Variants in PPP2R2B observed in about 807,000 individuals in gnomAD.
PPP2R2B encodes the protein serine/threonine-protein phosphatase 2A 55 kDa regulatory subunit B beta isoform.
A neutral mutation model predicts 46.0 loss-of-function variants in PPP2R2B; 5 were observed. The observed-to-expected ratio is 0.11, with a 90% CI of 0.06 to 0.23. The LOEUF is 0.23. PPP2R2B is among the 10% of genes least tolerant of loss of function. The pLI, the probability that PPP2R2B is intolerant of heterozygous loss-of-function variation, is 1.00. For missense variants in PPP2R2B, 367 were observed against 575.0 expected (o/e 0.64, Z 3.70); for synonymous variants, 215 against 206.7 (o/e 1.04, Z -0.34).
At chr5:146,796,972 G>GTTCTCC (rs1756578800) in intron 2 of PPP2R2B, among the ~76,000 whole-genome samples, 1 of 152,148 alleles carries the variant, frequency 6.6e-6, no homozygotes, top group South Asian at 2.1e-4. Flanking sequence ...CATCCCATAA[G>GTTCTCC]TTCTCCACCT....
At chr5:146,647,482 A>G (rs1264717680) in intron 6 of PPP2R2B, among the ~76,000 whole-genome samples, 3 of 152,216 alleles carry the variant, frequency 2.0e-5, no homozygotes, top group Non-Finnish European at 4.4e-5. Flanking sequence ...CTATATAGAT[A>G]TCACTTATCA....
intron 1 of PPP2R2B, among the ~76,000 whole-genome samples, chr5:146,937,291 A>T: frequency 6.7e-6 from 1 of 149,866 alleles, no homozygotes. Flanking sequence ...ACAGAGTGAG[A>T]CTCCGTCTCA....
At chr5:146,599,907 A>T (rs1771609657) in intron 8 of PPP2R2B, among the ~76,000 whole-genome samples, 1 of 151,960 alleles carries the variant, frequency 6.6e-6, no homozygotes, top group African/African-American at 2.4e-5. Context: ...GGCAGTTAAG[A>T]CTCAGTTTAA....
intron 1 of PPP2R2B, among the ~76,000 whole-genome samples, chr5:146,988,878 G>C (rs955360850): frequency 5.9e-5 from 9 of 151,646 alleles, no homozygotes; most frequent in African/African-American, 2.2e-4. Context: ...GGCTAATAAA[G>C]ACAAAACTCA....
At chr5:146,606,814 C>A (rs1319609530) in intron 7 of PPP2R2B, among the ~76,000 whole-genome samples, 1 of 152,126 alleles carries the variant, frequency 6.6e-6, no homozygotes, top group African/African-American at 2.4e-5. Flanking sequence ...TCAATGTCAC[C>A]CCCACCCTGG....
chr5:146,846,969 C>T (rs556350548), intron 2 of PPP2R2B, among the ~76,000 whole-genome samples: 6 of 152,324 alleles, frequency 3.9e-5, no homozygotes, highest in African/African-American at 1.4e-4. Context: ...GATCTTAGAA[C>T]ATTGTTCAAG....
At chr5:146,915,446 G>A (rs2151809662) in intron 1 of PPP2R2B, among the ~76,000 whole-genome samples, 1 of 131,110 alleles carries the variant, frequency 7.6e-6, no homozygotes, top group Non-Finnish European at 1.6e-5. Flanking sequence ...TTCTACCTAT[G>A]TACACACACA....
At chr5:146,820,620 A>T (rs551558954) in intron 2 of PPP2R2B, among the ~76,000 whole-genome samples, 7 of 152,180 alleles carry the variant, frequency 4.6e-5, no homozygotes, top group Non-Finnish European at 7.3e-5. Flanking sequence ...TCTTCCCATT[A>T]CTATTCCTCT....
intron 5 of PPP2R2B, among the ~76,000 whole-genome samples, chr5:146,690,740 T>C (rs1186030216): frequency 6.6e-6 from 1 of 152,180 alleles, no homozygotes; most frequent in Non-Finnish European, 1.5e-5. Context: ...TGAAGCCAGG[T>C]CTGTTAGATT....
Position 146,585,273 on chromosome 5 carries a change from C to CACAT in PPP2R2B, c.*4673_*4674insATGT, listed in dbSNP as rs1770094060. On this transcript the variant is annotated 3_prime_UTR_variant, in exon 10 of 10. Transcript: ENST00000394411. ...ATCTACATGCATACACACACACACA[C>CACAT]ACACACACACACACACACACACACA... 1 of 151,568 alleles carries CACAT rather than the reference C, an allele frequency of 6.6e-6. No homozygotes were observed. The highest frequency in any genetic ancestry group is 2.1e-4 in the South Asian group (1 of 4,730). 9.4% of individuals were successfully genotyped at this position (151,568 alleles called of 1,614,324 possible).
intron 1 of PPP2R2B, among the ~76,000 whole-genome samples, chr5:146,957,562 A>G (rs529586963): frequency 6.6e-6 from 1 of 152,276 alleles, no homozygotes; most frequent in Non-Finnish European, 1.5e-5. Flanking sequence ...ATGGGATATA[A>G]ACAAATAAAT....
At chr5:147,061,285 T>TTAAAGGAAATAAAGTG in intron 2 of PPP2R2B, among the ~76,000 whole-genome samples, 2 of 152,224 alleles carry the variant, frequency 1.3e-5, no homozygotes, top group South Asian at 4.2e-4. Flanking sequence ...AAGTGGGACA[T>TTAAAGGAAATAAAGTG]GGATTAGAGA....
chr5:146,962,243 A>G (rs1157364239), intron 1 of PPP2R2B, among the ~76,000 whole-genome samples: 1 of 148,758 alleles, frequency 6.7e-6, no homozygotes, highest in African/African-American at 2.5e-5. Flanking sequence ...GATCATGCCA[A>G]CTCTTCCCAT....
At chr5:147,000,010 CA>C (rs886070447) in intron 1 of PPP2R2B, among the ~76,000 whole-genome samples, 2 of 151,194 alleles carry the variant, frequency 1.3e-5, no homozygotes, top group Non-Finnish European at 3.0e-5. Context: ...ACCTGCATTC[CA>C]AAAAAAAATT....
chr5:146,861,985 A>G (rs1310220640), intron 2 of PPP2R2B, among the ~76,000 whole-genome samples: 4 of 152,112 alleles, frequency 2.6e-5, no homozygotes, highest in Admixed American at 2.6e-4. Flanking sequence ...TCAGTTGCTC[A>G]GTAAATACCT....
At chr5:147,035,799 GA>G (rs55681529) in intron 1 of PPP2R2B, among the ~76,000 whole-genome samples, 78,467 of 150,522 alleles carry the variant, frequency 0.52, 21,115 homozygotes, top group Middle Eastern at 0.62. Context: ...AAACTGAAGG[GA>G]AAAAAAAACA....
rs555780288 is a variant in PPP2R2B, at chr5:146,874,028, T to A, written c.70+3974A>T. 8.5e-5 allele frequency among the ~76,000 whole-genome samples: 13 copies of A among 152,352 alleles called. No homozygotes were observed. The South Asian group carries it at 2.7e-3, about 32-fold the overall frequency. ...TAAAATGCTTTCAGGTCTTGTTAATTGCAAATTCATCCTTTAGTTCTCAGT... is the reference window on the plus strand; with the variant it reads ...TAAAATGCTTTCAGGTCTTGTTAATAGCAAATTCATCCTTTAGTTCTCAGT... On this transcript the variant is annotated intron_variant, in intron 2 of 9. Transcript: ENST00000394411.
chr5:146,589,883 A>G lies in PPP2R2B; in HGVS notation c.*64T>C. 1.3e-6 allele frequency: 2 copies of G among 1,490,112 alleles called. No individual in the cohort carries two copies. The highest frequency in any genetic ancestry group is 1.8e-6 in the Non-Finnish European group (2 of 1,084,930). The allele number at this position is 1,490,112 out of a possible 1,614,324, so 92.3% of individuals were successfully genotyped here. ...AATGCATCAAATGAAGACCCAAAGA[A>G]ACATTTAAAAACTTGTTTGACTAGT... On this transcript the variant is annotated 3_prime_UTR_variant, in exon 10 of 10. Transcript: ENST00000394411.
In PPP2R2B at chr5:147,035,190, T is replaced by C. The variant is rs144505210; in HGVS notation, c.79+20475A>G. On this transcript the variant is annotated intron_variant, in intron 1 of 8. Coordinates refer to the PPP2R2B transcript ENST00000336640. ...TCACAGTTCTGCATGGCTGGGGAGGTCTCAGGAAACTTACAATCATGGCAG... is the reference window on the plus strand; with the variant it reads ...TCACAGTTCTGCATGGCTGGGGAGGCCTCAGGAAACTTACAATCATGGCAG... 3,129 of 446,260 alleles carry C rather than the reference T, an allele frequency of 7.0e-3. 94 individuals carry two copies. Among genetic ancestry groups the C allele is most frequent in the African/African-American group, 0.058 (2,837 of 49,118 alleles). 27.6% of individuals were successfully genotyped at this position (446,260 alleles called of 1,614,324 possible).
Sources: allele counts gnomAD v4.1 joint callset (sites outside exome capture counted in the v4.1 genomes callset), GRCh38; gene constraint gnomAD v4.1.1; transcripts MANE v1.5; gene names NCBI Gene and HGNC (gene_info 2026-07-23, HGNC 2026-07-21).